The following MYO1E variants were observed in gnomAD, a reference collection of about 807,000 sequenced individuals.
The protein encoded by MYO1E is myosin IE, also known as unconventional myosin-Ie.
MYO1E carries 68 observed loss-of-function variants against 151.1 expected under a neutral mutation model. The ratio of observed to expected loss-of-function variants is 0.45; its 90% confidence interval spans 0.37 to 0.55. The LOEUF (loss-of-function observed/expected upper bound fraction) is 0.55. MYO1E is among the 20% of genes least tolerant of loss of function. MYO1E has a pLI of 0.00. For missense variants in MYO1E, 1,363 were observed against 1,389.3 expected (o/e 0.98, Z 0.30); for synonymous variants, 601 against 501.7 (o/e 1.20, Z -2.64).
intron 2 of MYO1E, among the ~76,000 whole-genome samples, chr15:59,267,907 G>C (rs1489979416): frequency 1.3e-5 from 2 of 152,196 alleles, no homozygotes; most frequent in Admixed American, 1.3e-4. Flanking sequence ...GGTAAACGAT[G>C]TCAGCATTTT....
intron 8 of MYO1E, among the ~76,000 whole-genome samples, chr15:59,223,920 C>T (rs1204467178): frequency 2.0e-5 from 3 of 152,320 alleles, no homozygotes; most frequent in East Asian, 3.9e-4. Context: ...CATTTTGTTT[C>T]CTGGCACCCA....
At chr15:59,178,147 C>T (rs192430230) in intron 19 of MYO1E, among the ~76,000 whole-genome samples, 1 of 152,340 alleles carries the variant, frequency 6.6e-6, no homozygotes, top group East Asian at 1.9e-4. Context: ...AGGAGCCACT[C>T]TCTGATGCCC....
intron 14 of MYO1E, among the ~76,000 whole-genome samples, chr15:59,206,016 T>G (rs1378478585): frequency 6.6e-6 from 1 of 152,120 alleles, no homozygotes; most frequent in African/African-American, 2.4e-5. Context: ...AGAGATCAGC[T>G]GGGATGATGG....
At position 59,236,367 on chromosome 15, in the gene MYO1E, TATACACACAC is replaced by T. The variant is rs1360646645; in HGVS notation, c.420+208_420+217del. Among the ~76,000 whole-genome samples the T allele has an allele frequency of 0.012, 286 of 23,598 alleles. 13 individuals carry two copies. Among genetic ancestry groups the T allele is most frequent in the African/African-American group, 0.024 (230 of 9,506 alleles). The allele number at this position is 23,598 out of a possible 152,430, so 15.5% of individuals were successfully genotyped here. A position where few individuals can be genotyped will look rare whatever the true frequency, so the allele number is the denominator to read the frequency against. On this transcript the variant is annotated intron_variant, in intron 5 of 27. Transcript: ENST00000288235. ...TCTCAAAAAAGAAAAAAAAAAAATA[TATACACACAC>T]ACACACACACACACACACACACACA...
chr15:59,311,723 G>A (rs111920483), intron 1 of MYO1E, among the ~76,000 whole-genome samples: 12 of 152,264 alleles, frequency 7.9e-5, no homozygotes, highest in African/African-American at 2.9e-4. Context: ...TCCCCAATGC[G>A]ACAGTGCTGA....
intron 1 of MYO1E, among the ~76,000 whole-genome samples, chr15:59,297,731 C>G (rs1487063207): frequency 6.6e-6 from 1 of 151,810 alleles, no homozygotes; most frequent in African/African-American, 2.4e-5. Context: ...CAGGTGTGCA[C>G]TACCATGCTT....
intron 9 of MYO1E, 174 bp from the exon 10 acceptor site, chr15:59,218,261 C>T (rs1452489429): frequency 1.4e-6 from 1 of 736,768 alleles, no homozygotes; most frequent in African/African-American, 1.7e-5. Flanking sequence ...TAATCCCATA[C>T]ACATCCATCT....
Position 59,137,443 on chromosome 15 carries a change from C to A in MYO1E, c.3264G>T (p.Trp1088Cys), listed in dbSNP as rs140871676. 4 of 1,614,126 alleles carry A rather than the reference C, an allele frequency of 2.5e-6. No individual in the cohort carries two copies. Among genetic ancestry groups the A allele is most frequent in the Non-Finnish European group, 3.4e-6 (4 of 1,180,002 alleles). Residue 1088 changes from tryptophan (W) to cysteine (C), a missense_variant, in exon 28 of 28, where the codon TGG (tryptophan) becomes TGT (cysteine). Physicochemically the swap from Trp to Cys is radical, Grantham distance 215. Transcript: ENST00000288235. Reference protein sequence around the residue: ...IDIIKEDPSGWWTGRLRGKQG... With the variant: ...IDIIKEDPSGCWTGRLRGKQG... ...GCTTGCCTCGTAGTCGACCCGTCCA[C>A]CAGCCAGAAGGATCTGCAGGGAGAG...
Position 59,186,404 on chromosome 15 carries a change from T to TAAA in MYO1E, c.1904+1713_1904+1714insTTT, listed in dbSNP as rs111885234. ...TCTTCAGTTATATACAATCTGAATT[T>TAAA]TAAAAAAAAAAACATTATATCCAGC... On this transcript the variant is annotated intron_variant, in intron 18 of 27. Transcript: ENST00000288235. 5.3e-3 allele frequency among the ~76,000 whole-genome samples: 793 copies of TAAA among 149,478 alleles called. 6 individuals carry two copies. Among genetic ancestry groups the TAAA allele is most frequent in the African/African-American group, 0.018 (755 of 40,836 alleles).
chr15:59,224,876 A>G (rs2140350666), intron 7 of MYO1E, 53 bp from the exon 8 acceptor site: 2 of 1,613,050 alleles, frequency 1.2e-6, no homozygotes, highest in East Asian at 2.2e-5. Flanking sequence ...AGGCACCCGA[A>G]GTCACTCCTG....
At chr15:59,239,761 T>G (rs1461990422) in intron 4 of MYO1E, among the ~76,000 whole-genome samples, 3 of 152,252 alleles carry the variant, frequency 2.0e-5, no homozygotes, top group South Asian at 2.1e-4. Flanking sequence ...ATCGGAATTT[T>G]CATTACTTGG....
chr15:59,206,766 A>T (rs2079836742), intron 14 of MYO1E: 1 of 617,352 alleles, frequency 1.6e-6, no homozygotes. Flanking sequence ...ACCCACGGAA[A>T]GCACGTGTCG....
At chr15:59,143,368 G>T (rs1455582948) in intron 26 of MYO1E, among the ~76,000 whole-genome samples, 1 of 152,154 alleles carries the variant, frequency 6.6e-6, no homozygotes, top group African/African-American at 2.4e-5. Flanking sequence ...GGTGGAGGAG[G>T]GAGGACCTCT....
chr15:59,166,382 T>C (rs751988133), intron 22 of MYO1E, among the ~76,000 whole-genome samples: 1 of 152,272 alleles, frequency 6.6e-6, no homozygotes, highest in Non-Finnish European at 1.5e-5. Flanking sequence ...TTGAAAGACC[T>C]CTTCCTAGTC....
chr15:59,209,026 A>T (rs558658548), intron 13 of MYO1E, 178 bp from the exon 14 acceptor site: 2 of 732,140 alleles, frequency 2.7e-6, no homozygotes, highest in South Asian at 3.4e-5. Flanking sequence ...GTCACCACTT[A>T]GATCTAAAGA....
intron 12 of MYO1E, among the ~76,000 whole-genome samples, chr15:59,212,247 G>A (rs144605584): frequency 1.9e-3 from 291 of 152,030 alleles, no homozygotes; most frequent in Non-Finnish European, 3.6e-3. Flanking sequence ...AGGAGACTGG[G>A]CTAGACGTGG....
In MYO1E at chr15:59,176,615, C is replaced by T. The variant is rs552201760; in HGVS notation, c.2049+1778G>A. On this transcript the variant is annotated intron_variant, in intron 19 of 27. Transcript: ENST00000288235. ...TAGCTAGGACAGCAGGCGTGTACCA[C>T]CACACCCAGCTAATTTTAAATTTTT... Among the ~76,000 whole-genome samples the T allele has an allele frequency of 2.6e-5, 4 of 152,158 alleles. No homozygotes were observed. In the South Asian group the frequency reaches 8.3e-4, roughly 32 times the overall value.
At chr15:59,358,358 CCTGCCTT>C (rs1394318079) in intron 1 of MYO1E, among the ~76,000 whole-genome samples, 2 of 152,176 alleles carry the variant, frequency 1.3e-5, no homozygotes, top group African/African-American at 4.8e-5. Context: ...AACTATGTCT[CCTGCCTT>C]CTCCAGCTCT....
At chr15:59,182,242 C>T (rs1271894994) in intron 18 of MYO1E, among the ~76,000 whole-genome samples, 1 of 152,016 alleles carries the variant, frequency 6.6e-6, no homozygotes, top group Non-Finnish European at 1.5e-5. Flanking sequence ...GATGGAGTTC[C>T]ACTCTTGTCG....
Sources: allele counts gnomAD v4.1 joint callset (sites outside exome capture counted in the v4.1 genomes callset), GRCh38; gene constraint gnomAD v4.1.1; transcripts MANE v1.5; gene names NCBI Gene and HGNC (gene_info 2026-07-23, HGNC 2026-07-21).